VPS72: variants seen among roughly 807,000 people sequenced by gnomAD.
The protein encoded by VPS72 is vacuolar protein sorting 72 homolog, also known as vacuolar protein sorting-associated protein 72 homolog.
Under a neutral mutation model 38.9 loss-of-function variants are expected in VPS72, and 27 were observed. That is an observed-to-expected ratio of 0.69 (90% CI 0.51 to 0.96). VPS72 has a LOEUF of 0.96. VPS72 is among the 40% of genes least tolerant of loss of function. VPS72 has a pLI of 0.00. For synonymous variants in VPS72, 173 were observed against 186.3 expected, an observed-to-expected ratio of 0.93 and a Z score of 0.58; for missense variants, 360 against 479.5, an observed-to-expected ratio of 0.75 and a Z score of 2.33.
chr1:151,177,387 CA>C (rs11350080), intron 5 of VPS72, among the ~76,000 whole-genome samples: 63,513 of 102,516 alleles, frequency 0.62, 15,824 homozygotes, highest in Middle Eastern at 0.73. Context: ...GACTCCATCT[CA>C]AAAAAAAAAA....
intron 1 of VPS72, among the ~76,000 whole-genome samples, chr1:151,186,250 C>CT (rs977980396): frequency 1.4e-3 from 211 of 147,146 alleles, no homozygotes; most frequent in African/African-American, 2.5e-3. Context: ...CATAATCTTA[C>CT]TTTTTTTTTT....
rs777878739 is a variant in VPS72, at chr1:151,176,703, G to A, written c.1036C>T (p.Pro346Ser). 21 of 1,614,182 alleles carry A rather than the reference G, an allele frequency of 1.3e-5. 1 individual carries two copies. In the South Asian group the frequency reaches 2.0e-4, roughly 15 times the overall value. The change falls in exon 6 of 6, where the codon CCT becomes TCT. Residue 346 changes from proline to serine, a missense_variant. Around this residue, in one of 2 missense-constraint regions of VPS72, gnomAD observed 294 missense variants for 356.3 expected, o/e 0.83. Coordinates refer to ENST00000368892, the MANE Select transcript of VPS72 (RefSeq NM_005997.3). Reference sequence around the variant, plus strand: ...GGCCCAGAGCCAGGGAGGGGCTCAGGAGGTGGCGGGCCGGGGCCCAGGGCT... The same window carrying A: ...GGCCCAGAGCCAGGGAGGGGCTCAGAAGGTGGCGGGCCGGGGCCCAGGGCT... ...ASALGPGPPPPEPLPGSGPRA... is the reference protein window; with the variant it reads ...ASALGPGPPPSEPLPGSGPRA...
In VPS72 at chr1:151,176,587, G is replaced by C. The variant is rs1684103533; in HGVS notation, c.*57C>G. 1.9e-6 allele frequency: 3 copies of C among 1,572,148 alleles called. No individual in the cohort carries two copies. Among genetic ancestry groups the C allele is most frequent in the Middle Eastern group, 2.3e-4 (1 of 4,322 alleles). On this transcript the variant is annotated 3_prime_UTR_variant, in exon 6 of 6. Transcript: ENST00000368892. The stretch of plus-strand genomic sequence containing the variant: ...AGGGGAGAAGCAGGGAGAAGAAACG[G>C]AACAGCAAGAGCCCCAATCAGGGCA...
chr1:151,176,452 C>T lies in VPS72; in HGVS notation c.*192G>A, dbSNP rs891610332. The T allele has an allele frequency of 1.0e-5, 10 of 971,152 alleles. No homozygotes were observed. Among genetic ancestry groups the T allele is most frequent in the African/African-American group, 3.3e-5 (2 of 60,820 alleles). 60.2% of individuals were successfully genotyped at this position (971,152 alleles called of 1,614,324 possible). On this transcript the variant is annotated 3_prime_UTR_variant, in exon 6 of 6. Transcript: ENST00000368892. Reference sequence around the variant, plus strand: ...CTTGCTCCCAACCCTAGACTGGACACCAGACAAAAGGGATCTTTCTATTTT... The same window carrying T: ...CTTGCTCCCAACCCTAGACTGGACATCAGACAAAAGGGATCTTTCTATTTT...
At chr1:151,178,219 A>ATC in intron 4 of VPS72, 74 bp from the exon 5 acceptor site, 1 of 1,504,916 alleles carries the variant, frequency 6.6e-7, no homozygotes, top group African/African-American at 1.4e-5. Flanking sequence ...CTGTCCCACG[A>ATC]TCTCTCAATT....
intron 4 of VPS72, among the ~76,000 whole-genome samples, chr1:151,182,774 A>C (rs1353630185): frequency 6.6e-6 from 1 of 152,024 alleles, no homozygotes; most frequent in African/African-American, 2.4e-5. Context: ...GGTTTCTCCA[A>C]CTCGTTGGTC....
intron 1 of VPS72, among the ~76,000 whole-genome samples, chr1:151,189,146 C>CCTAT (rs1186451122): frequency 6.6e-6 from 1 of 152,172 alleles, no homozygotes; most frequent in Non-Finnish European, 1.5e-5. Context: ...CTGTGCTCGG[C>CCTAT]CTATCACACA....
chr1:151,179,069 G>A (rs1019879764), intron 4 of VPS72, among the ~76,000 whole-genome samples: 7 of 150,346 alleles, frequency 4.7e-5, no homozygotes, highest in Admixed American at 3.3e-4. Context: ...ATCACCTAAG[G>A]AAAGGAGTTC....
rs1572095328 is a variant in VPS72, at chr1:151,185,376, T to C, written c.385+130A>G. On this transcript the variant is annotated intron_variant, in intron 3 of 5. Transcript: ENST00000368892. ...CCTGACCTCAGGTGATCTACCCGCC[T>C]AGGCCTCCCAAAGTGCTGGGATTCT... The C allele has an allele frequency of 1.3e-5, 11 of 849,426 alleles. No homozygotes were observed. In the East Asian group the frequency reaches 2.7e-4, roughly 21 times the overall value. 52.6% of individuals were successfully genotyped at this position (849,426 alleles called of 1,614,324 possible). A position where few individuals can be genotyped will look rare whatever the true frequency, so the allele number is the denominator to read the frequency against.
chr1:151,185,528 T>G lies in VPS72; in HGVS notation c.363A>C (p.Glu121Asp). 10 of 1,614,134 alleles carry G rather than the reference T, an allele frequency of 6.2e-6. No homozygotes were observed. Among genetic ancestry groups the G allele is most frequent in the Non-Finnish European group, 8.5e-6 (10 of 1,180,020 alleles). Residue 121 changes from glutamate to aspartate, a missense_variant, in exon 3 of 6, where the codon GAA becomes GAC. Physicochemically the swap from Glu to Asp is conservative, Grantham distance 45. This residue lies in a region of VPS72 where 294 missense variants were observed against 356.3 expected (regional missense o/e 0.83). Coordinates refer to ENST00000368892, the MANE Select transcript of VPS72 (RefSeq NM_005997.3). Reference sequence around the variant, plus strand: ...CACTGTCAGAGCCGTCATCTTGTAGTTCTAATGGCAGTAGTGCCTTCTCTT... The same window carrying G: ...CACTGTCAGAGCCGTCATCTTGTAGGTCTAATGGCAGTAGTGCCTTCTCTT... ...AREEKALLPL[E>D]LQDDGSDSRK...
intron 1 of VPS72, among the ~76,000 whole-genome samples, chr1:151,188,203 A>AT (rs919110363): frequency 1.3e-5 from 2 of 151,768 alleles, no homozygotes; most frequent in Admixed American, 6.6e-5. Context: ...CAACCAGCTA[A>AT]TTTTTTGCAT....
In VPS72 at chr1:151,184,380, G is replaced by A. The variant is rs1418202773; in HGVS notation, c.499C>T (p.Leu167=). 1 of 1,614,064 alleles carries A rather than the reference G, an allele frequency of 6.2e-7. No individual in the cohort carries two copies. The highest frequency in any genetic ancestry group is 1.1e-5 in the South Asian group (1 of 91,086). The change falls in exon 4 of 6, where the codon CTA becomes TTA. Residue 167 remains leucine (L), a synonymous_variant. Transcript: ENST00000368892. ...RRKGPHCERP[L]TQEELLREAK... ...TCCCGGAGCAGTTCCTCCTGGGTTA[G>A]TGGCCGCTCACAGTGGGGCCCCTTT...
Position 151,190,111 on chromosome 1 carries a change from G to A in VPS72, c.11C>T (p.Ala4Val). Reference protein sequence around the residue: MSLAGGRAPRKTAG... With the variant: MSLVGGRAPRKTAG... ...GGTCTTCCGGGGTGCCCGGCCCCCAGCCAAACTCATACCGCCTACCGAGAC... is the reference window on the plus strand; with the variant it reads ...GGTCTTCCGGGGTGCCCGGCCCCCAACCAAACTCATACCGCCTACCGAGAC... The change falls in exon 1 of 6, where the codon GCT becomes GTT. Residue 4 changes from alanine to valine, a missense_variant. Ala to Val is a moderately conservative substitution (Grantham distance 64). Around this residue, in one of 2 missense-constraint regions of VPS72, gnomAD observed 66 missense variants for 123.1 expected, o/e 0.54. Transcript: ENST00000368892. The A allele has an allele frequency of 1.2e-6, 2 of 1,613,740 alleles. No homozygotes were observed. The highest frequency in any genetic ancestry group is 2.2e-5 in the East Asian group (1 of 44,866).
chr1:151,190,048 T>A lies in VPS72; in HGVS notation c.74A>T (p.Glu25Val), dbSNP rs199812126. Residue 25 changes from glutamate (E) to valine (V), a missense_variant, in exon 1 of 6, where the codon GAG becomes GTG. Glu to Val is a moderately radical substitution (Grantham distance 121). This residue lies in a region of VPS72 where 66 missense variants were observed against 123.1 expected (regional missense o/e 0.54). Transcript: ENST00000368892. ...NRLSGLLEAE[E>V]EDEFYQTTYG... ...AGTCGTCTGGTAGAACTCATCTTCC[T>A]CCTCTGCCTCCAAAAGCCCAGAAAG... 1.2e-6 allele frequency: 2 copies of A among 1,613,892 alleles called. No individual in the cohort carries two copies. Among genetic ancestry groups the A allele is most frequent in the Non-Finnish European group, 1.7e-6 (2 of 1,180,000 alleles).
rs1002322921 is a variant in VPS72, at chr1:151,176,329, T to A, written c.*315A>T. ...TTTTGGTGTGCAATTTTCAGATGTT[T>A]ATAATTTAGTTGGAGGAATGAATAC... On this transcript the variant is annotated 3_prime_UTR_variant, in exon 6 of 6. Coordinates refer to ENST00000368892, the MANE Select transcript of VPS72 (RefSeq NM_005997.3). The A allele has an allele frequency of 2.1e-4, 68 of 323,566 alleles. No homozygotes were observed. Among genetic ancestry groups the A allele is most frequent in the Non-Finnish European group, 2.9e-5 (5 of 174,100 alleles). The allele number at this position is 323,566 out of a possible 1,614,324, so 20.0% of individuals were successfully genotyped here.
chr1:151,182,752 CAA>C (rs1282945294), intron 4 of VPS72, among the ~76,000 whole-genome samples: 1 of 152,228 alleles, frequency 6.6e-6, no homozygotes, highest in Admixed American at 6.5e-5. Context: ...ATTTTTAACA[CAA>C]ACTCTCCTGG....
At position 151,179,516 on chromosome 1, in the gene VPS72, G is replaced by A. The variant is rs185914453; in HGVS notation, c.563-1371C>T. Among the ~76,000 whole-genome samples, 21 of 151,134 alleles carry A rather than the reference G, an allele frequency of 1.4e-4. No individual in the cohort carries two copies. The East Asian group carries it at 3.3e-3, about 24-fold the overall frequency. On this transcript the variant is annotated intron_variant, in intron 4 of 5. Transcript: ENST00000368892. ...CGGGAGGCTGGGGCAGGAGAATGGC[G>A]TGAACCCAGGAGGCAGAGCTTGCAG...
At chr1:151,184,206 A>ATTCCATCATCCCAAAT in intron 4 of VPS72, 111 bp downstream of exon 4, 1 of 1,418,726 alleles carries the variant, frequency 7.0e-7, no homozygotes, top group Non-Finnish European at 9.6e-7. Flanking sequence ...CTTCCTTCTG[A>ATTCCATCATCCCAAAT]TTCCATCATC....
intron 5 of VPS72, 64 bp from the exon 6 acceptor site, chr1:151,177,095 A>T (rs760437565): frequency 7.5e-6 from 11 of 1,474,444 alleles, no homozygotes; most frequent in Non-Finnish European, 9.9e-6. Context: ...ATACAGAAAG[A>T]AGGAAATCAG....
Sources: gnomAD v4.1 joint callset for allele counts (sites outside exome capture counted in the v4.1 genomes callset) on GRCh38, gnomAD v4.1.1 for gene constraint, gnomAD v4.1.1 regional missense constraint, MANE v1.5 for transcripts, NCBI Gene and HGNC (gene_info 2026-07-23, HGNC 2026-07-21) for gene names.